The following POM121C variants were observed in gnomAD, a reference collection of about 807,000 sequenced individuals.
POM121C encodes nuclear envelope pore membrane protein POM 121C.
Under a neutral mutation model 66.4 loss-of-function variants are expected in POM121C, and 20 were observed. That is an observed-to-expected ratio of 0.30 (90% confidence interval 0.21 to 0.44). The LOEUF is 0.44. Ranked by LOEUF, POM121C falls within the 20% of genes least tolerant of loss-of-function variation. The pLI is 1.00. For missense variants in POM121C, 580 were observed against 1,225.7 expected (o/e 0.47, Z 7.87); for synonymous variants, 286 against 528.0 (o/e 0.54, Z 6.28).
chr7:75,473,543 T>C (rs1362224822), intron 3 of POM121C, among the ~76,000 whole-genome samples: 2 of 152,092 alleles, frequency 1.3e-5, no homozygotes, highest in Middle Eastern at 6.3e-3. Context: ...GAGCATGGAC[T>C]TGGGGAAATA....
In POM121C at chr7:75,419,218, T is replaced by C. The variant is rs1239759077; in HGVS notation, c.2866+102A>G. 18 of 1,471,952 alleles carry C rather than the reference T, an allele frequency of 1.2e-5. No individual in the cohort carries two copies. In the African/African-American group the frequency reaches 2.4e-4, roughly 20 times the overall value. 91.2% of individuals were successfully genotyped at this position (1,471,952 alleles called of 1,614,324 possible). On this transcript the variant is annotated intron_variant, in intron 14 of 14. Coordinates refer to ENST00000615331, the MANE Select transcript of POM121C (RefSeq NM_001099415.3). ...CTAACCCGAAATGTCTTTCCTGTGC[T>C]GAACCTGATCTTCACGGGGCCTCAG...
At chr7:75,478,035 T>C (rs1450254542) in intron 1 of POM121C, among the ~76,000 whole-genome samples, 23 of 152,190 alleles carry the variant, frequency 1.5e-4, no homozygotes, top group Non-Finnish European at 3.4e-4. Flanking sequence ...GGCACAATCT[T>C]GGCTCACTGC....
At chr7:75,446,979 G>C (rs1554474752) in intron 3 of POM121C, among the ~76,000 whole-genome samples, 1 of 108,408 alleles carries the variant, frequency 9.2e-6, no homozygotes, top group African/African-American at 3.7e-5. Context: ...CTGCACTCCA[G>C]CCTGGGCAAC....
chr7:75,457,298 T>C (rs1791262332), intron 3 of POM121C, among the ~76,000 whole-genome samples: 2 of 146,610 alleles, frequency 1.4e-5, no homozygotes, highest in Non-Finnish European at 3.0e-5. Context: ...CCAGGGTGGT[T>C]TGATGGTTTG....
chr7:75,448,716 G>A (rs1554475206), intron 3 of POM121C, among the ~76,000 whole-genome samples: 2 of 144,618 alleles, frequency 1.4e-5, no homozygotes, highest in Non-Finnish European at 1.5e-5. Context: ...CAGGAGAATC[G>A]CTTGAACGGG....
rs1214412549 is a variant in POM121C, at chr7:75,418,737, C to T, written c.*59G>A. ...TGGAAGGGTCCAAGGCTCTTTCTAGCACGTGCCAAGGTCCAGATTTAGGGA... is the reference window on the plus strand; with the variant it reads ...TGGAAGGGTCCAAGGCTCTTTCTAGTACGTGCCAAGGTCCAGATTTAGGGA... On this transcript the variant is annotated 3_prime_UTR_variant, in exon 15 of 15. Coordinates refer to ENST00000615331, the MANE Select transcript of POM121C (RefSeq NM_001099415.3). 40 of 1,542,416 alleles carry T rather than the reference C, an allele frequency of 2.6e-5. No homozygotes were observed. The highest frequency in any genetic ancestry group is 1.7e-5 in the Non-Finnish European group (20 of 1,147,510).
chr7:75,473,552 T>C (rs1791950580), intron 3 of POM121C, among the ~76,000 whole-genome samples: 1 of 151,990 alleles, frequency 6.6e-6, no homozygotes, highest in Non-Finnish European at 1.5e-5. Flanking sequence ...CTTGGGGAAA[T>C]AAGGTACACC....
chr7:75,434,687 A>G (rs1342063813), intron 7 of POM121C, among the ~76,000 whole-genome samples: 1 of 147,952 alleles, frequency 6.8e-6, no homozygotes, highest in Non-Finnish European at 1.5e-5. Context: ...GGTTCCTGAG[A>G]TTCTCCTGCC....
chr7:75,462,880 G>T (rs1157384457), intron 3 of POM121C, among the ~76,000 whole-genome samples: 1 of 151,974 alleles, frequency 6.6e-6, no homozygotes, highest in Non-Finnish European at 1.5e-5. Context: ...ATTCAGACCT[G>T]CCCTTGTGTA....
chr7:75,471,534 G>C (rs111882482), intron 3 of POM121C, among the ~76,000 whole-genome samples: 2,233 of 152,192 alleles, frequency 0.015, 26 homozygotes, highest in Middle Eastern at 0.048. Context: ...AACGGGGGCA[G>C]GGGGAGGGGG....
At chr7:75,448,023 C>CA (rs3973313) in intron 3 of POM121C, among the ~76,000 whole-genome samples, 23,428 of 97,966 alleles carry the variant, frequency 0.24, 2,287 homozygotes, top group Middle Eastern at 0.33. Context: ...GACTCCGTCT[C>CA]AAAAAAAAAA....
At chr7:75,462,467 C>T (rs1326014235) in intron 3 of POM121C, among the ~76,000 whole-genome samples, 1 of 151,124 alleles carries the variant, frequency 6.6e-6, no homozygotes, top group African/African-American at 2.4e-5. Flanking sequence ...AAAGCAACTT[C>T]AAAATGGTAG....
chr7:75,442,198 A>G (rs1554474129), intron 3 of POM121C: 3 of 1,341,654 alleles, frequency 2.2e-6, no homozygotes, highest in Non-Finnish European at 9.6e-7. Flanking sequence ...GAGAGGGGTA[A>G]AAGTGGTGAA....
chr7:75,439,814 ACTT>A (rs1212560571), intron 5 of POM121C, among the ~76,000 whole-genome samples: 2 of 152,042 alleles, frequency 1.3e-5, no homozygotes, highest in African/African-American at 4.8e-5. Flanking sequence ...ACCCACTTCA[ACTT>A]CTTTTCTTTC....
chr7:75,420,110 G>C (rs587771019), intron 13 of POM121C: 2 of 152,418 alleles, frequency 1.3e-5, no homozygotes, highest in South Asian at 4.1e-4. Flanking sequence ...GTCACTCCCT[G>C]ATTCACAGAG....
intron 1 of POM121C, among the ~76,000 whole-genome samples, chr7:75,482,505 C>T (rs1439283102): frequency 6.6e-6 from 1 of 152,056 alleles, no homozygotes; most frequent in Admixed American, 6.6e-5. Context: ...ATGCATGACA[C>T]GGTGAAAGCC....
chr7:75,472,811 TGGAAGGAAGGAAGGGA>T (rs377684254), intron 3 of POM121C, among the ~76,000 whole-genome samples: 1,710 of 126,404 alleles, frequency 0.014, 40 homozygotes, highest in African/African-American at 0.048. Flanking sequence ...TATCTCAAAA[TGGAAGGAAGGAAGGGA>T]GGGAGGGAGG....
intron 3 of POM121C, among the ~76,000 whole-genome samples, chr7:75,465,895 CAAAAAA>C (rs35108311): frequency 2.6e-4 from 4 of 15,222 alleles, no homozygotes; most frequent in African/African-American, 8.8e-4. Context: ...CACCCTGTCT[CAAAAAA>C]AAAAAAAAAA....
intron 7 of POM121C, among the ~76,000 whole-genome samples, chr7:75,428,980 T>A (rs149595591): frequency 1.3e-4 from 20 of 149,968 alleles, no homozygotes; most frequent in African/African-American, 4.9e-4. Context: ...CAAAGGTGAC[T>A]GTAATGATTA....
Sources: allele counts gnomAD v4.1 joint callset (sites outside exome capture counted in the v4.1 genomes callset), GRCh38; gene constraint gnomAD v4.1.1; transcripts MANE v1.5; gene names NCBI Gene and HGNC (gene_info 2026-07-23, HGNC 2026-07-21).